DUSP29: variants seen among roughly 807,000 people sequenced by gnomAD.
DUSP29 encodes atypical dual-specific protein phosphatase.
In DUSP29, 12 loss-of-function variants were observed where a neutral mutation model predicts 13.5. The ratio of observed to expected loss-of-function variants is 0.89; its 90% CI spans 0.57 to 1.44. DUSP29 has a LOEUF of 1.44. Among genes scored for constraint, DUSP29 ranks in the 40% most tolerant of loss-of-function variants. The pLI is 0.00. For synonymous variants in DUSP29, 134 were observed against 128.7 expected, an observed-to-expected ratio of 1.04 and a Z score of -0.28; for missense variants, 308 against 301.1, an observed-to-expected ratio of 1.02 and a Z score of -0.17.
At chr10:75,040,040 G>C (rs550972950) in intron 3 of DUSP29, among the ~76,000 whole-genome samples, 4 of 152,230 alleles carry the variant, frequency 2.6e-5, no homozygotes, top group African/African-American at 9.6e-5. Context: ...AATTCACCAG[G>C]TGTGGTGGTG....
At chr10:75,066,958 C>CTTTTTTTTTTTTTTT (rs61298475) in intron 1 of DUSP29, among the ~76,000 whole-genome samples, 2 of 139,588 alleles carry the variant, frequency 1.4e-5, no homozygotes, top group Admixed American at 7.2e-5. Flanking sequence ...TTTTCTTTTT[C>CTTTTTTTTTTTTTTT]TTTTTTTTTT....
chr10:75,043,912 G>C lies in DUSP29; in HGVS notation c.306C>G (p.Arg102=), dbSNP rs750763781. The C allele has an allele frequency of 6.2e-7, 1 of 1,613,996 alleles. No individual in the cohort carries two copies. The highest frequency in any genetic ancestry group is 1.3e-5 in the African/African-American group (1 of 75,068). Residue 102 remains arginine, a synonymous_variant, in exon 3 of 4, where the codon CGC becomes CGG. Coordinates refer to ENST00000338487, the MANE Select transcript of DUSP29 (RefSeq NM_001003892.3). ...WNVDTGPDYY[R]DMDIQYHGVE... Reference sequence around the variant, plus strand: ...CGCCGTGGTACTGGATGTCCATGTCGCGGTAGTAGTCGGGCCCAGTGTCCA... The same window carrying C: ...CGCCGTGGTACTGGATGTCCATGTCCCGGTAGTAGTCGGGCCCAGTGTCCA...
At chr10:75,049,560 G>A (rs532907604) in intron 2 of DUSP29, among the ~76,000 whole-genome samples, 1 of 152,350 alleles carries the variant, frequency 6.6e-6, no homozygotes, top group South Asian at 2.1e-4. Flanking sequence ...TGCCTCAGTT[G>A]CCTTCAGTAG....
intron 1 of DUSP29, among the ~76,000 whole-genome samples, chr10:75,059,201 T>C (rs1176253018): frequency 1.3e-5 from 2 of 152,146 alleles, no homozygotes; most frequent in East Asian, 1.9e-4. Flanking sequence ...ACCAAGGGGA[T>C]TGGAAGAGAT....
At chr10:75,058,585 G>C in intron 1 of DUSP29, 37 bp from the exon 2 acceptor site, 1 of 1,533,596 alleles carries the variant, frequency 6.5e-7, no homozygotes, top group Non-Finnish European at 8.9e-7. Flanking sequence ...GGGTTAGCAG[G>C]GGACACTGAG....
chr10:75,045,531 G>A (rs576972435), intron 2 of DUSP29, among the ~76,000 whole-genome samples: 4 of 152,308 alleles, frequency 2.6e-5, no homozygotes, highest in South Asian at 2.1e-4. Flanking sequence ...CAGGCAAGGC[G>A]GTCAGGAAAG....
chr10:75,059,937 T>A (rs376576180), intron 1 of DUSP29, among the ~76,000 whole-genome samples: 20 of 152,134 alleles, frequency 1.3e-4, no homozygotes, highest in South Asian at 8.3e-4. Flanking sequence ...GGCGGGCAGA[T>A]CACCTGAGGT....
intron 1 of DUSP29, among the ~76,000 whole-genome samples, chr10:75,062,051 T>C (rs2134301393): frequency 6.6e-6 from 1 of 152,326 alleles, no homozygotes; most frequent in Middle Eastern, 3.4e-3. Context: ...TTCTGGGGCC[T>C]GCCTGCTGTG....
chr10:75,049,348 G>A (rs192719202), intron 2 of DUSP29, among the ~76,000 whole-genome samples: 2 of 152,378 alleles, frequency 1.3e-5, no homozygotes, highest in Admixed American at 1.3e-4. Flanking sequence ...GTGAAGAGAA[G>A]AGAGTACCCA....
At chr10:75,044,069 CG>C in intron 2 of DUSP29, 52 bp from the exon 3 acceptor site, 1 of 1,551,708 alleles carries the variant, frequency 6.4e-7, no homozygotes, top group Non-Finnish European at 8.7e-7. Flanking sequence ...GCCCCGGGTC[CG>C]GGAAACTCAG....
chr10:75,042,713 C>T (rs1243765651), intron 3 of DUSP29, among the ~76,000 whole-genome samples: 1 of 152,278 alleles, frequency 6.6e-6, no homozygotes, highest in Non-Finnish European at 1.5e-5. Flanking sequence ...TCCAGCAGAC[C>T]TGGCCTAGGC....
chr10:75,060,574 T>C (rs1190704472), intron 1 of DUSP29, among the ~76,000 whole-genome samples: 1 of 152,184 alleles, frequency 6.6e-6, no homozygotes, highest in East Asian at 1.9e-4. Context: ...AATCTGCATG[T>C]ATTGCTTCTC....
intron 2 of DUSP29, among the ~76,000 whole-genome samples, chr10:75,048,323 A>G (rs1482412030): frequency 6.7e-6 from 1 of 149,546 alleles, no homozygotes; most frequent in Non-Finnish European, 1.5e-5. Flanking sequence ...GGACTCATGC[A>G]GTTTACTTTT....
intron 1 of DUSP29, among the ~76,000 whole-genome samples, chr10:75,062,894 G>A (rs1262403019): frequency 6.6e-6 from 1 of 152,192 alleles, no homozygotes; most frequent in African/African-American, 2.4e-5. Context: ...CCAGGTTCCT[G>A]TTACAGCTTC....
chr10:75,052,471 T>C (rs1846857039), intron 2 of DUSP29, among the ~76,000 whole-genome samples: 1 of 151,884 alleles, frequency 6.6e-6, no homozygotes, highest in African/African-American at 2.4e-5. Flanking sequence ...CATGCCAGGC[T>C]AATTTTTTTG....
rs149447213 is a variant in DUSP29, at chr10:75,053,791, C to CT, written c.200+4523dup. Among the ~76,000 whole-genome samples, 171 of 151,890 alleles carry CT rather than the reference C, an allele frequency of 1.1e-3. 1 individual carries two copies. Among genetic ancestry groups the CT allele is most frequent in the East Asian group, 3.9e-3 (20 of 5,174 alleles). On this transcript the variant is annotated intron_variant, in intron 2 of 3. Transcript: ENST00000338487. ...TGATTTCTCTGAGCTTCAGTGTCTT[C>CT]TTTTTTTCCCCCGCAGCTCCAAGCA...
chr10:75,049,731 C>T (rs926788366), intron 2 of DUSP29, among the ~76,000 whole-genome samples: 3 of 152,232 alleles, frequency 2.0e-5, no homozygotes, highest in Non-Finnish European at 4.4e-5. Context: ...TCCTCCTTTT[C>T]GGGGAGAAGG....
intron 2 of DUSP29, among the ~76,000 whole-genome samples, 198 bp from the exon 3 acceptor site, chr10:75,044,215 T>C (rs963598665): frequency 6.6e-6 from 1 of 152,210 alleles, no homozygotes; most frequent in Non-Finnish European, 1.5e-5. Flanking sequence ...CTCGGCTGTC[T>C]CAAGAAAGGA....
intron 2 of DUSP29, among the ~76,000 whole-genome samples, chr10:75,055,379 C>G (rs1419957196): frequency 6.6e-6 from 1 of 152,032 alleles, no homozygotes; most frequent in Non-Finnish European, 1.5e-5. Context: ...TTTAGACTTA[C>G]AGAAACGTGC....
Sources: gnomAD v4.1 joint callset for allele counts (sites outside exome capture counted in the v4.1 genomes callset) on GRCh38, gnomAD v4.1.1 for gene constraint, MANE v1.5 for transcripts, NCBI Gene and HGNC (gene_info 2026-07-23, HGNC 2026-07-21) for gene names.